Variants in SPON1 observed in about 807,000 individuals in gnomAD.
SPON1 encodes spondin-1.
Under a neutral mutation model 111.7 loss-of-function variants are expected in SPON1, and 52 were observed. The ratio of observed to expected loss-of-function variants is 0.47; its 90% CI spans 0.37 to 0.59. The LOEUF (loss-of-function observed/expected upper bound fraction) is 0.59, where lower values mean the gene tolerates loss of function less well. SPON1 is among the 20% of genes least tolerant of loss of function. SPON1 has a pLI of 0.00. For missense variants in SPON1, 957 were observed against 1,068.5 expected (o/e 0.90, Z 1.46); for synonymous variants, 410 against 395.8 (o/e 1.04, Z -0.43).
chr11:14,086,497 G>A (rs879993154), intron 5 of SPON1, among the ~76,000 whole-genome samples: 96 of 152,086 alleles, frequency 6.3e-4, no homozygotes, highest in Non-Finnish European at 1.2e-3. Context: ...GTATGAAGCC[G>A]ACTTGATCAT....
rs1326847325 is a variant in SPON1, at chr11:14,267,188, T to G, written c.*1501T>G. The G allele has an allele frequency of 6.6e-6, 1 of 152,204 alleles. No homozygotes were observed. Among genetic ancestry groups the G allele is most frequent in the Non-Finnish European group, 1.5e-5 (1 of 68,030 alleles). 9.4% of individuals were successfully genotyped at this position (152,204 alleles called of 1,614,324 possible). A position where few individuals can be genotyped will look rare whatever the true frequency, so the allele number is the denominator to read the frequency against. ...TATGTACTTTTAACACAAGAGAGACTATTCAATAAAAACTCACTGGGTCTT... is the reference window on the plus strand; with the variant it reads ...TATGTACTTTTAACACAAGAGAGACGATTCAATAAAAACTCACTGGGTCTT... On this transcript the variant is annotated 3_prime_UTR_variant, in exon 16 of 16. Transcript: ENST00000576479.
At chr11:14,036,392 A>G (rs573520638) in intron 2 of SPON1, among the ~76,000 whole-genome samples, 2 of 152,262 alleles carry the variant, frequency 1.3e-5, no homozygotes, top group Admixed American at 6.5e-5. Flanking sequence ...GGAAGGTAAG[A>G]TGGACAACAT....
intron 6 of SPON1, among the ~76,000 whole-genome samples, chr11:14,184,341 A>G (rs1354064337): frequency 6.6e-6 from 1 of 152,208 alleles, no homozygotes; most frequent in Non-Finnish European, 1.5e-5. Flanking sequence ...GGTTACCATG[A>G]TAAATCTTAC....
intron 6 of SPON1, among the ~76,000 whole-genome samples, chr11:14,235,457 T>A (rs1468593052): frequency 4.6e-5 from 7 of 152,198 alleles, no homozygotes; most frequent in Middle Eastern, 3.4e-3. Flanking sequence ...GGCAAGCAGA[T>A]GGCTTGAGCC....
intron 2 of SPON1, among the ~76,000 whole-genome samples, chr11:14,026,338 T>A (rs1848517799): frequency 6.6e-6 from 1 of 152,242 alleles, no homozygotes; most frequent in African/African-American, 2.4e-5. Flanking sequence ...TGAGAGATTC[T>A]TATTGTCAAA....
At chr11:14,110,600 A>C (rs986807184) in intron 5 of SPON1, among the ~76,000 whole-genome samples, 35 of 152,202 alleles carry the variant, frequency 2.3e-4, no homozygotes, top group African/African-American at 8.4e-4. Flanking sequence ...CAAAACCAGG[A>C]AATCTGATAG....
intron 3 of SPON1, among the ~76,000 whole-genome samples, chr11:14,044,353 T>C (rs1304053180): frequency 1.3e-5 from 2 of 152,184 alleles, no homozygotes; most frequent in African/African-American, 4.8e-5. Context: ...GGCTCATGCC[T>C]ATAATCCCAG....
At chr11:14,041,800 G>GTCT in intron 3 of SPON1, 146 bp downstream of exon 3, 1 of 835,374 alleles carries the variant, frequency 1.2e-6, no homozygotes, top group Non-Finnish European at 1.8e-6. Flanking sequence ...TAGCACCATA[G>GTCT]ACTATCATTG....
chr11:14,242,196 G>A (rs1554939758), intron 6 of SPON1, among the ~76,000 whole-genome samples: 2 of 152,174 alleles, frequency 1.3e-5, no homozygotes, highest in East Asian at 1.9e-4. Flanking sequence ...AGTTTCCATG[G>A]GGCTGTGGGA....
At chr11:13,985,693 C>A (rs1212325332) in intron 2 of SPON1, among the ~76,000 whole-genome samples, 1 of 152,104 alleles carries the variant, frequency 6.6e-6, no homozygotes, top group African/African-American at 2.4e-5. Flanking sequence ...CTTGTAGCAA[C>A]CTTGTGTGGT....
intron 2 of SPON1, among the ~76,000 whole-genome samples, chr11:14,038,041 C>T (rs1014492410): frequency 6.6e-6 from 1 of 151,468 alleles, no homozygotes; most frequent in Non-Finnish European, 1.5e-5. Flanking sequence ...TGGCACACAC[C>T]TGTAATCCCA....
chr11:14,239,811 A>G (rs1848905880), intron 6 of SPON1, among the ~76,000 whole-genome samples: 1 of 152,204 alleles, frequency 6.6e-6, no homozygotes, highest in African/African-American at 2.4e-5. Context: ...CTTCTCAACT[A>G]TGCTACTTTC....
chr11:14,197,916 T>G (rs987410534), intron 6 of SPON1, among the ~76,000 whole-genome samples: 9 of 152,260 alleles, frequency 5.9e-5, no homozygotes. Context: ...AGCTTCCTGA[T>G]AAGTCTGCTT....
intron 5 of SPON1, among the ~76,000 whole-genome samples, chr11:14,126,030 G>A (rs1248509952): frequency 6.6e-6 from 1 of 152,172 alleles, no homozygotes; most frequent in Non-Finnish European, 1.5e-5. Flanking sequence ...CAGCTTAAAG[G>A]CAGTTAGGCA....
intron 7 of SPON1, among the ~76,000 whole-genome samples, chr11:14,252,092 G>A (rs2133922715): frequency 6.6e-6 from 1 of 152,346 alleles, no homozygotes; most frequent in African/African-American, 2.4e-5. Flanking sequence ...AGCTAGAAGT[G>A]GAGGAGTTCA....
chr11:14,035,212 G>A (rs182045946), intron 2 of SPON1, among the ~76,000 whole-genome samples: 1 of 152,222 alleles, frequency 6.6e-6, no homozygotes, highest in Non-Finnish European at 1.5e-5. Flanking sequence ...TATCATAAAG[G>A]ATATGGCACT....
intron 2 of SPON1, among the ~76,000 whole-genome samples, chr11:14,030,592 G>T (rs1297540277): frequency 6.6e-6 from 1 of 152,216 alleles, no homozygotes; most frequent in Non-Finnish European, 1.5e-5. Context: ...GAATCCGTTT[G>T]AAGAGATGCT....
chr11:14,160,877 T>A lies in SPON1; in HGVS notation c.825+25309T>A, dbSNP rs182673208. ...TATATATATTTATATATTTTTATAT[T>A]TTTATATATTTATATATATTTATAT... On this transcript the variant is annotated intron_variant, in intron 6 of 15. Coordinates refer to ENST00000576479, the MANE Select transcript of SPON1 (RefSeq NM_006108.4). 1.4e-4 allele frequency among the ~76,000 whole-genome samples: 4 copies of A among 27,886 alleles called. 1 individual carries two copies. The highest frequency in any genetic ancestry group is 6.8e-4 in the Admixed American group (1 of 1,478). 18.3% of individuals were successfully genotyped at this position (27,886 alleles called of 152,430 possible).
intron 2 of SPON1, among the ~76,000 whole-genome samples, chr11:14,037,900 G>C (rs1230952834): frequency 6.6e-6 from 1 of 152,176 alleles, no homozygotes; most frequent in Non-Finnish European, 1.5e-5. Context: ...GGCCAGGCGC[G>C]GTGGGTCTTA....
Sources: allele counts gnomAD v4.1 joint callset (sites outside exome capture counted in the v4.1 genomes callset), GRCh38; gene constraint gnomAD v4.1.1; transcripts MANE v1.5; gene names NCBI Gene and HGNC (gene_info 2026-07-23, HGNC 2026-07-21).